The following ZNF428 variants were observed in gnomAD, a reference collection of about 807,000 sequenced individuals.
ZNF428 encodes enzyme-like protein PIT13.
A neutral mutation model predicts 15.6 loss-of-function variants in ZNF428; 5 were observed. That is an observed-to-expected ratio of 0.32 (90% CI 0.17 to 0.67). The LOEUF (loss-of-function observed/expected upper bound fraction) is 0.67, where lower values mean the gene tolerates loss of function less well. Ranked by LOEUF, ZNF428 falls within the 30% of genes least tolerant of loss-of-function variation. The pLI is 0.73. For synonymous variants in ZNF428, 97 were observed against 102.2 expected (o/e 0.95, Z 0.31); for missense variants, 237 against 256.0 (o/e 0.93, Z 0.51).
intron 2 of ZNF428, chr19:43,613,449 C>A: frequency 6.5e-7 from 1 of 1,544,856 alleles, no homozygotes; most frequent in Non-Finnish European, 8.7e-7. Flanking sequence ...TCTAGAAGTC[C>A]CTACAAGGCG....
rs1292275594 is a variant in ZNF428, at chr19:43,612,789, C to G, written c.76+1440G>C. The stretch of plus-strand genomic sequence containing the variant: ...AGTACAGCCAAGTGTCAAACCCCGA[C>G]TGGAATTCCCTCCAAGGAGAAGAGT... On this transcript the variant is annotated intron_variant, in intron 2 of 2. Coordinates refer to ENST00000300811, the MANE Select transcript of ZNF428 (RefSeq NM_182498.4). This position sits in a 1 kb window ranked among gnomAD's most constrained non-coding sequence, Gnocchi z 4.2. The G allele has an allele frequency of 1.9e-6, 3 of 1,551,522 alleles. No individual in the cohort carries two copies. Among genetic ancestry groups the G allele is most frequent in the East Asian group, 4.9e-5 (2 of 40,926 alleles).
chr19:43,617,284 A>G (rs1271797078), intron 1 of ZNF428, among the ~76,000 whole-genome samples: 1 of 150,304 alleles, frequency 6.7e-6, no homozygotes, highest in East Asian at 2.0e-4. Context: ...CACACACACC[A>G]CTACTGTCTT....
intron 2 of ZNF428, among the ~76,000 whole-genome samples, chr19:43,610,806 A>G (rs1466866592): frequency 1.3e-5 from 2 of 152,026 alleles, no homozygotes; most frequent in Admixed American, 1.3e-4. Context: ...AGGCCGTCCC[A>G]GACCTCCTCA....
In ZNF428 at chr19:43,612,578, G is replaced by A; in HGVS notation, c.76+1651C>T. ...GATAAGAACTCATGGTGCCAGACCAGGCATGGCCAGCAGGGTGAGAACTCC... is the reference window on the plus strand; with the variant it reads ...GATAAGAACTCATGGTGCCAGACCAAGCATGGCCAGCAGGGTGAGAACTCC... On this transcript the variant is annotated intron_variant, in intron 2 of 2. Transcript: ENST00000300811. The surrounding 1 kb of genome is among the most constrained non-coding windows in gnomAD (Gnocchi z 4.2). 1 of 1,551,228 alleles carries A rather than the reference G, an allele frequency of 6.4e-7. No individual in the cohort carries two copies. Among genetic ancestry groups the A allele is most frequent in the Non-Finnish European group, 8.7e-7 (1 of 1,146,872 alleles).
Position 43,612,902 on chromosome 19 carries a change from G to A in ZNF428, c.76+1327C>T. 6.4e-7 allele frequency: 1 copy of A among 1,551,696 alleles called. No homozygotes were observed. The highest frequency in any genetic ancestry group is 8.7e-7 in the Non-Finnish European group (1 of 1,146,994). Reference sequence around the variant, plus strand: ...TAGGGAAAAGAGTTACAGCCCCACTGAAATGTCCAGCAGGGTCAAGAGTTA... The same window carrying A: ...TAGGGAAAAGAGTTACAGCCCCACTAAAATGTCCAGCAGGGTCAAGAGTTA... On this transcript the variant is annotated intron_variant, in intron 2 of 2. Coordinates refer to ENST00000300811, the MANE Select transcript of ZNF428 (RefSeq NM_182498.4). The surrounding 1 kb of genome is among the most constrained non-coding windows in gnomAD (Gnocchi z 4.2).
At chr19:43,609,734 T>A (rs1187509903) in intron 2 of ZNF428, among the ~76,000 whole-genome samples, 12 of 150,184 alleles carry the variant, frequency 8.0e-5, no homozygotes, top group Admixed American at 7.3e-4. Context: ...AGAGCAAGAC[T>A]CCGTTCCCAA....
rs759380832 is a variant in ZNF428 at position 43,614,317 on chromosome 19, G to GGACAGGA, written c.-20_-14dup. The GGACAGGA allele has an allele frequency of 3.1e-6, 5 of 1,594,248 alleles. No individual in the cohort carries two copies. The highest frequency in any genetic ancestry group is 2.7e-5 in the African/African-American group (2 of 74,384). Reference sequence around the variant, plus strand: ...GGGTCTCTGTCATGACCGGGGGAGGGGACAGGAGACAGGAGCAGAGCAGCA... The same window carrying GGACAGGA: ...GGGTCTCTGTCATGACCGGGGGAGGGGACAGGAGACAGGAGACAGGAGCAGAGCAGCA... On this transcript the variant is annotated 5_prime_UTR_variant, in exon 2 of 3. Transcript: ENST00000300811.
chr19:43,607,513 C>G lies in ZNF428; in HGVS notation c.*104G>C, dbSNP rs1224706542. The G allele has an allele frequency of 2.2e-6, 3 of 1,381,346 alleles. No individual in the cohort carries two copies. Among genetic ancestry groups the G allele is most frequent in the Non-Finnish European group, 2.9e-6 (3 of 1,034,334 alleles). The allele number at this position is 1,381,346 out of a possible 1,614,324, so 85.6% of individuals were successfully genotyped here. ...ACATCTACTTCTAAGACAACACAGACCGGCAGTACCCCATCCCCCATGACC... is the reference window on the plus strand; with the variant it reads ...ACATCTACTTCTAAGACAACACAGAGCGGCAGTACCCCATCCCCCATGACC... On this transcript the variant is annotated 3_prime_UTR_variant, in exon 3 of 3. Coordinates refer to ENST00000300811, the MANE Select transcript of ZNF428 (RefSeq NM_182498.4). The surrounding 1 kb of genome is among the most constrained non-coding windows in gnomAD (Gnocchi z 5.1).
In ZNF428 at chr19:43,607,511, G is replaced by T; in HGVS notation, c.*106C>A. On this transcript the variant is annotated 3_prime_UTR_variant, in exon 3 of 3. Transcript: ENST00000300811. The surrounding 1 kb of genome is among the most constrained non-coding windows in gnomAD (Gnocchi z 5.1). ...ACACATCTACTTCTAAGACAACACA[G>T]ACCGGCAGTACCCCATCCCCCATGA... The T allele has an allele frequency of 7.3e-7, 1 of 1,369,718 alleles. No homozygotes were observed. The highest frequency in any genetic ancestry group is 1.5e-5 in the South Asian group (1 of 68,230). 84.8% of individuals were successfully genotyped at this position (1,369,718 alleles called of 1,614,324 possible). A position where few individuals can be genotyped will look rare whatever the true frequency, so the allele number is the denominator to read the frequency against.
rs1303150256 is a variant in ZNF428 at position 43,619,562 on chromosome 19, G to GCCGGCGGCCCCCGCT, written c.-150_-136dup. On this transcript the variant is annotated 5_prime_UTR_variant, in exon 1 of 3. Transcript: ENST00000300811. ...ACCCCTGCCCGGGACACTCACCGGC[G>GCCGGCGGCCCCCGCT]CCGGCGGCCCCCGCTCCGGCTCTGC... is the stretch of plus-strand genomic sequence containing the variant. 6 of 152,280 alleles carry GCCGGCGGCCCCCGCT rather than the reference G, an allele frequency of 3.9e-5. No homozygotes were observed. The highest frequency in any genetic ancestry group is 6.5e-5 in the Admixed American group (1 of 15,290). 9.4% of individuals were successfully genotyped at this position (152,280 alleles called of 1,614,324 possible).
chr19:43,607,589 T>C lies in ZNF428; in HGVS notation c.*28A>G, dbSNP rs1973252168. 1 of 1,378,180 alleles carries C rather than the reference T, an allele frequency of 7.3e-7. No individual in the cohort carries two copies. The highest frequency in any genetic ancestry group is 2.0e-5 in the Admixed American group (1 of 49,756). The allele number at this position is 1,378,180 out of a possible 1,614,324, so 85.4% of individuals were successfully genotyped here. On this transcript the variant is annotated 3_prime_UTR_variant, in exon 3 of 3. Transcript: ENST00000300811. The surrounding 1 kb of genome is among the most constrained non-coding windows in gnomAD (Gnocchi z 5.1). ...CCCCCTCCTCCCACCCCACCCCTTC[T>C]GCCAAGCTCCCCGTATGGGGGCTCT...
At position 43,619,037 on chromosome 19, in the gene ZNF428, C is replaced by T. The variant is rs184004440; in HGVS notation, c.-131+521G>A. 3.9e-5 allele frequency among the ~76,000 whole-genome samples: 6 copies of T among 152,266 alleles called. No homozygotes were observed. The East Asian group carries it at 9.7e-4, about 25-fold the overall frequency. On this transcript the variant is annotated intron_variant, in intron 1 of 2. Transcript: ENST00000300811. ...ACAGTGCTGGAGACCCCACAATGCC[C>T]TGGGCCTATAGCAGTCAATTCCCAA...
chr19:43,614,603 TC>T, intron 1 of ZNF428, 169 bp from the exon 2 acceptor site: 1 of 417,424 alleles, frequency 2.4e-6, no homozygotes, highest in Non-Finnish European at 3.8e-6. Flanking sequence ...CCTCTCTAGG[TC>T]TTTTTTTTTT....
chr19:43,612,884 AAG>A lies in ZNF428; in HGVS notation c.76+1343_76+1344del. 1 of 1,551,716 alleles carries A rather than the reference AAG, an allele frequency of 6.4e-7. No homozygotes were observed. Among genetic ancestry groups the A allele is most frequent in the South Asian group, 1.2e-5 (1 of 84,066 alleles). On this transcript the variant is annotated intron_variant, in intron 2 of 2. Transcript: ENST00000300811. This position sits in a 1 kb window ranked among gnomAD's most constrained non-coding sequence, Gnocchi z 4.2. ...TCAGATGATCATCCCCAGTAGGGAAAAGAGTTACAGCCCCACTGAAATGTCCA... is the reference window on the plus strand; with the variant it reads ...TCAGATGATCATCCCCAGTAGGGAAAAGTTACAGCCCCACTGAAATGTCCA...
intron 1 of ZNF428, among the ~76,000 whole-genome samples, chr19:43,618,566 C>CCTT (rs1973397401): frequency 1.0e-5 from 1 of 98,352 alleles, no homozygotes; most frequent in East Asian, 2.7e-4. Flanking sequence ...TTAATTTTTA[C>CCTT]TTTTTTTTTT....
At chr19:43,618,610 A>G (rs867817084) in intron 1 of ZNF428, among the ~76,000 whole-genome samples, 1 of 117,046 alleles carries the variant, frequency 8.5e-6, no homozygotes, top group Non-Finnish European at 1.7e-5. Flanking sequence ...GGGTCTCACT[A>G]TATTGCCCAG....
intron 1 of ZNF428, among the ~76,000 whole-genome samples, chr19:43,616,375 CCAAG>C (rs1285185884): frequency 6.6e-6 from 1 of 152,124 alleles, no homozygotes; most frequent in Non-Finnish European, 1.5e-5. Flanking sequence ...CTGTGTAGCA[CCAAG>C]CAAAGAACTT....
chr19:43,613,343 A>T (rs200770981), intron 2 of ZNF428: 312 of 1,550,478 alleles, frequency 2.0e-4, no homozygotes, highest in Non-Finnish European at 2.4e-4. Flanking sequence ...TAGAAGTCCC[A>T]ACAAGGCGAG....
chr19:43,618,846 G>C (rs1230629654), intron 1 of ZNF428, among the ~76,000 whole-genome samples: 1 of 152,016 alleles, frequency 6.6e-6, no homozygotes, highest in East Asian at 1.9e-4. Flanking sequence ...GGACAATCAA[G>C]ACATTCCCTG....
Sources: allele counts gnomAD v4.1 joint callset (sites outside exome capture counted in the v4.1 genomes callset), GRCh38; gene constraint gnomAD v4.1.1; non-coding constraint Gnocchi (gnomAD v3.1); transcripts MANE v1.5; gene names NCBI Gene and HGNC (gene_info 2026-07-23, HGNC 2026-07-21).